HMX2: variants seen among roughly 807,000 people sequenced by gnomAD.
The protein encoded by HMX2 is homeobox protein HMX2.
Under a neutral mutation model 21.2 loss-of-function variants are expected in HMX2, and 15 were observed. The ratio of observed to expected loss-of-function variants is 0.71; its 90% confidence interval spans 0.47 to 1.09. HMX2 has a LOEUF of 1.09. Ranked by LOEUF, HMX2 falls within the 50% of genes least tolerant of loss-of-function variation. The pLI, the probability that HMX2 is intolerant of heterozygous loss-of-function variation, is 0.00. For missense variants in HMX2, 440 were observed against 381.5 expected, an observed-to-expected ratio of 1.15 and a Z score of -1.28; for synonymous variants, 193 against 181.0, an observed-to-expected ratio of 1.07 and a Z score of -0.53.
rs757934362 is a variant in HMX2 at position 123,150,021 on chromosome 10, G to A, written c.720G>A (p.Val240=). 6.2e-7 allele frequency: 1 copy of A among 1,608,028 alleles called. No homozygotes were observed. The highest frequency in any genetic ancestry group is 8.5e-7 in the Non-Finnish European group (1 of 1,178,522). Residue 240 remains valine, a synonymous_variant, in exon 2 of 2, where the codon GTG becomes GTA. Transcript: ENST00000339992. This position sits in a 1 kb window ranked among gnomAD's most constrained non-coding sequence, Gnocchi z 4.2. The stretch of plus-strand genomic sequence containing the variant: ...TCCGGGACAGTTCGCTGCTGCGCGT[G>A]CCGGTGCCGCGCTCGCTCGCCTTTC... The part of the protein sequence containing the change: ...LVFRDSSLLR[V]PVPRSLAFPA...
In HMX2 at chr10:123,149,838, C is replaced by T; in HGVS notation, c.537C>T (p.Arg179=). The T allele has an allele frequency of 6.2e-7, 1 of 1,612,716 alleles. No homozygotes were observed. Reference sequence around the variant, plus strand: ...AGCGCTACCTGAGCAGCTCGGAGCGCGCCTGCCTCGCCTCCAGCCTGCAGC... The same window carrying T: ...AGCGCTACCTGAGCAGCTCGGAGCGTGCCTGCCTCGCCTCCAGCCTGCAGC... ...DMKRYLSSSE[R]ACLASSLQLT... is the part of the protein sequence containing the mutation. Residue 179 remains arginine (R), a synonymous_variant, in exon 2 of 2, where the codon CGC becomes CGT. Transcript: ENST00000339992. This position sits in a 1 kb window ranked among gnomAD's most constrained non-coding sequence, Gnocchi z 5.4.
chr10:123,149,017 G>A lies in HMX2; in HGVS notation c.268+371G>A, dbSNP rs911158782. ...CGGGTCTGGGCAGTCTGTCTCCACC[G>A]TAATCTCTTTCTGAGTCTTCTTCCT... On this transcript the variant is annotated intron_variant, in intron 1 of 1. Transcript: ENST00000339992. The surrounding 1 kb of genome is among the most constrained non-coding windows in gnomAD (Gnocchi z 5.4). Among the ~76,000 whole-genome samples, 1 of 152,174 alleles carries A rather than the reference G, an allele frequency of 6.6e-6. No homozygotes were observed. The highest frequency in any genetic ancestry group is 2.4e-5 in the African/African-American group (1 of 41,420).
chr10:123,148,261 C>G lies in HMX2; in HGVS notation c.-118C>G, dbSNP rs566723329. ...CTCACCAGCCTCGGCGCCCCCTCCC[C>G]CTAGATTTCCTCCCCGCCCCTCCCC... On this transcript the variant is annotated 5_prime_UTR_variant, in exon 1 of 2. Coordinates refer to ENST00000339992, the MANE Select transcript of HMX2 (RefSeq NM_005519.2). The G allele has an allele frequency of 1.5e-5, 15 of 1,027,768 alleles. No individual in the cohort carries two copies. The highest frequency in any genetic ancestry group is 5.6e-5 in the South Asian group (4 of 71,550). 63.7% of individuals were successfully genotyped at this position (1,027,768 alleles called of 1,614,324 possible). A position where few individuals can be genotyped will look rare whatever the true frequency, so the allele number is the denominator to read the frequency against.
Position 123,150,208 on chromosome 10 carries a change from C to A in HMX2, c.*85C>A. 1 of 1,162,684 alleles carries A rather than the reference C, an allele frequency of 8.6e-7. No homozygotes were observed. The highest frequency in any genetic ancestry group is 1.2e-6 in the Non-Finnish European group (1 of 850,464). The allele number at this position is 1,162,684 out of a possible 1,614,324, so 72.0% of individuals were successfully genotyped here. ...TAAGCAGGGCTCCGGAGCAAGGCGGCGTGTTTCCAGAAATATGAAGAAATA... is the reference window on the plus strand; with the variant it reads ...TAAGCAGGGCTCCGGAGCAAGGCGGAGTGTTTCCAGAAATATGAAGAAATA... On this transcript the variant is annotated 3_prime_UTR_variant, in exon 2 of 2. Transcript: ENST00000339992. This position sits in a 1 kb window ranked among gnomAD's most constrained non-coding sequence, Gnocchi z 4.2.
chr10:123,150,107 A>T lies in HMX2; in HGVS notation c.806A>T (p.Asn269Ile). 6.4e-7 allele frequency: 1 copy of T among 1,563,982 alleles called. No homozygotes were observed. Reference protein sequence around the residue: ...LSALPLYNLYNKLDY With the variant: ...LSALPLYNLYIKLDY ...GCCTTACCTCTCTACAACCTATACA[A>T]CAAGCTCGACTACTGACCGGCCCGC... Residue 269 changes from asparagine (N) to isoleucine (I), a missense_variant, in exon 2 of 2, where the codon AAC becomes ATC. Physicochemically the swap from Asn to Ile is moderately radical, Grantham distance 149 (BLOSUM62 -3). Coordinates refer to ENST00000339992, the MANE Select transcript of HMX2 (RefSeq NM_005519.2). This position sits in a 1 kb window ranked among gnomAD's most constrained non-coding sequence, Gnocchi z 4.2.
rs1844228960 is a variant in HMX2, at chr10:123,148,628, A to G, written c.250A>G (p.Ile84Val). 6.2e-7 allele frequency: 1 copy of G among 1,609,714 alleles called. No individual in the cohort carries two copies. Among genetic ancestry groups the G allele is most frequent in the African/African-American group, 1.3e-5 (1 of 74,432 alleles). Residue 84 changes from isoleucine (I) to valine (V), a missense_variant, in exon 1 of 2, where the codon ATC becomes GTC. Ile to Val is a conservative substitution (Grantham distance 29). Transcript: ENST00000339992. ...GCAGGGCCCCAAGCACCATCCCCCC[A>G]TCCCTTTTCCTTGCCTGGGTAAGGA... ...KEQGPKHHPPIPFPCLGTPKG... is the reference protein window; with the variant it reads ...KEQGPKHHPPVPFPCLGTPKG...
chr10:123,148,687 G>T, intron 1 of HMX2, 41 bp downstream of exon 1: 1 of 1,582,942 alleles, frequency 6.3e-7, no homozygotes. Context: ...GAGCGAGCGC[G>T]AGGGGAGGGA....
Position 123,150,389 on chromosome 10 carries a change from C to A in HMX2, c.*266C>A. 1 of 320,092 alleles carries A rather than the reference C, an allele frequency of 3.1e-6. No individual in the cohort carries two copies. The highest frequency in any genetic ancestry group is 5.7e-6 in the Non-Finnish European group (1 of 176,104). The allele number at this position is 320,092 out of a possible 1,614,324, so 19.8% of individuals were successfully genotyped here. On this transcript the variant is annotated 3_prime_UTR_variant, in exon 2 of 2. Transcript: ENST00000339992. This position sits in a 1 kb window ranked among gnomAD's most constrained non-coding sequence, Gnocchi z 4.2. ...AAAACCATTCGGAGTGAGATGTTCT[C>A]GGGTGGTGGTGGGAAAGGGAGTTTT...
chr10:123,148,696 G>C (rs760286243), intron 1 of HMX2, 50 bp downstream of exon 1: 4 of 1,575,204 alleles, frequency 2.5e-6, no homozygotes, highest in South Asian at 2.3e-5. Context: ...CGAGGGGAGG[G>C]AGGCTGAGCG....
chr10:123,148,165 C>T lies in HMX2; in HGVS notation c.-214C>T. The T allele has an allele frequency of 1.8e-6, 1 of 569,514 alleles. No individual in the cohort carries two copies. The highest frequency in any genetic ancestry group is 3.3e-5 in the East Asian group (1 of 30,714). The allele number at this position is 569,514 out of a possible 1,614,324, so 35.3% of individuals were successfully genotyped here. A position where few individuals can be genotyped will look rare whatever the true frequency, so the allele number is the denominator to read the frequency against. ...TTGCACCGGGGCTGGGCGGGCGCACCCAGAGCCAGGCGGGCAGGAACCCCT... is the reference window on the plus strand; with the variant it reads ...TTGCACCGGGGCTGGGCGGGCGCACTCAGAGCCAGGCGGGCAGGAACCCCT... On this transcript the variant is annotated 5_prime_UTR_variant, in exon 1 of 2. Coordinates refer to ENST00000339992, the MANE Select transcript of HMX2 (RefSeq NM_005519.2).
At chr10:123,148,680 CGAGCGCGAG>C (rs751775968) in intron 1 of HMX2, 34 bp downstream of exon 1, 5 of 1,585,838 alleles carry the variant, frequency 3.2e-6, no homozygotes, top group Non-Finnish European at 4.3e-6. Flanking sequence ...TGGCAGCGAG[CGAGCGCGAG>C]GGGAGGGAGG....
Position 123,149,120 on chromosome 10 carries a change from C to T in HMX2, c.269-450C>T, listed in dbSNP as rs1373337498. ...CACTCCAAGATGATTGACAATGGTG[C>T]ATTTCAGAGACGGTTCCTCTTTACA... On this transcript the variant is annotated intron_variant, in intron 1 of 1. Transcript: ENST00000339992. This position sits in a 1 kb window ranked among gnomAD's most constrained non-coding sequence, Gnocchi z 5.4. Among the ~76,000 whole-genome samples the T allele has an allele frequency of 2.0e-5, 3 of 152,150 alleles. No individual in the cohort carries two copies. Among genetic ancestry groups the T allele is most frequent in the African/African-American group, 7.2e-5 (3 of 41,420 alleles).
rs747402757 is a variant in HMX2, at chr10:123,149,957, A to C, written c.656A>C (p.His219Pro). 1 of 1,611,990 alleles carries C rather than the reference A, an allele frequency of 6.2e-7. No individual in the cohort carries two copies. Among genetic ancestry groups the C allele is most frequent in the South Asian group, 1.1e-5 (1 of 90,960 alleles). The stretch of plus-strand genomic sequence containing the variant: ...GAGCTGGAGGCGGCCAACATGGCGC[A>C]CGCGTCGGCGCAGACTCTGGTGAGC... ...SAELEAANMA[H>P]ASAQTLVSMP... The change falls in exon 2 of 2, where the codon CAC becomes CCC. Residue 219 changes from histidine to proline, a missense_variant. Coordinates refer to ENST00000339992, the MANE Select transcript of HMX2 (RefSeq NM_005519.2). This position sits in a 1 kb window ranked among gnomAD's most constrained non-coding sequence, Gnocchi z 5.4.
rs769487510 is a variant in HMX2 at position 123,148,494 on chromosome 10, G to T, written c.116G>T (p.Gly39Val). Residue 39 changes from glycine (G) to valine (V), a missense_variant, in exon 1 of 2, where the codon GGC becomes GTC. Coordinates refer to ENST00000339992, the MANE Select transcript of HMX2 (RefSeq NM_005519.2). ...TCGGAGGCACCGCGGGAGCCCGTCGGCTGGCCAGCCAGGAAGCGCAGCCTG... is the reference window on the plus strand; with the variant it reads ...TCGGAGGCACCGCGGGAGCCCGTCGTCTGGCCAGCCAGGAAGCGCAGCCTG... ...GPSEAPREPV[G>V]WPARKRSLSV... 1.2e-5 allele frequency: 20 copies of T among 1,612,360 alleles called. No homozygotes were observed. Among genetic ancestry groups the T allele is most frequent in the East Asian group, 2.2e-5 (1 of 44,854 alleles).
In HMX2 at chr10:123,148,414, G is replaced by A; in HGVS notation, c.36G>A (p.Pro12=). The A allele has an allele frequency of 1.2e-6, 2 of 1,613,064 alleles. No individual in the cohort carries two copies. Among genetic ancestry groups the A allele is most frequent in the South Asian group, 1.1e-5 (1 of 91,002 alleles). ...AAGAAGATGCGGGCAAGGGGTGTCC[G>A]GCGGCCGGTGGCGTCTCCAGCTTCA... ...GSKEDAGKGC[P]AAGGVSSFTI... Residue 12 remains proline, a synonymous_variant, in exon 1 of 2, where the codon CCG becomes CCA. Coordinates refer to ENST00000339992, the MANE Select transcript of HMX2 (RefSeq NM_005519.2).
chr10:123,148,263 T>G lies in HMX2; in HGVS notation c.-116T>G. 9.3e-4 allele frequency: 459 copies of G among 494,698 alleles called. No homozygotes were observed. Among genetic ancestry groups the G allele is most frequent in the East Asian group, 3.1e-3 (62 of 20,112 alleles). 30.6% of individuals were successfully genotyped at this position (494,698 alleles called of 1,614,324 possible). ...CACCAGCCTCGGCGCCCCCTCCCCC[T>G]AGATTTCCTCCCCGCCCCTCCCCAC... On this transcript the variant is annotated 5_prime_UTR_variant, in exon 1 of 2. It removes the in-frame stop codon of an upstream open reading frame in the 5' UTR. Coordinates refer to ENST00000339992, the MANE Select transcript of HMX2 (RefSeq NM_005519.2).
intron 1 of HMX2, 62 bp downstream of exon 1, chr10:123,148,708 C>T (rs1193477659): frequency 6.4e-7 from 1 of 1,561,528 alleles, no homozygotes; most frequent in African/African-American, 1.4e-5. Flanking sequence ...GGCTGAGCGC[C>T]CCGCCAAGAC....
At position 123,149,684 on chromosome 10, in the gene HMX2, C is replaced by G; in HGVS notation, c.383C>G (p.Ser128Trp). Residue 128 changes from serine (S) to tryptophan (W), a missense_variant, in exon 2 of 2, where the codon TCG becomes TGG. Physicochemically the swap from Ser to Trp is radical, Grantham distance 177. Coordinates refer to ENST00000339992, the MANE Select transcript of HMX2 (RefSeq NM_005519.2). The surrounding 1 kb of genome is among the most constrained non-coding windows in gnomAD (Gnocchi z 5.4). ...AAAGAGAGGCTCCTGCCCGCGGGCT[C>G]GCCCTCGCCGGGGTCCGAGCGGCCG... is the stretch of plus-strand genomic sequence containing the variant. ...EEKERLLPAG[S>W]PSPGSERPRD... The G allele has an allele frequency of 6.4e-7, 1 of 1,564,862 alleles. No individual in the cohort carries two copies. The highest frequency in any genetic ancestry group is 2.4e-5 in the East Asian group (1 of 41,338).
At position 123,149,706 on chromosome 10, in the gene HMX2, G is replaced by A. The variant is rs979481131; in HGVS notation, c.405G>A (p.Arg135=). The A allele has an allele frequency of 3.2e-6, 5 of 1,562,634 alleles. No homozygotes were observed. The highest frequency in any genetic ancestry group is 4.3e-6 in the Non-Finnish European group (5 of 1,159,954). ...GCTCGCCCTCGCCGGGGTCCGAGCG[G>A]CCGCGGGACGGCGGCGCTGAGCGGC... The part of the protein sequence containing the change: ...PAGSPSPGSE[R]PRDGGAERQA... Residue 135 remains arginine (R), a synonymous_variant, in exon 2 of 2, where the codon CGG becomes CGA. Transcript: ENST00000339992. This position sits in a 1 kb window ranked among gnomAD's most constrained non-coding sequence, Gnocchi z 5.4.
Sources: allele counts gnomAD v4.1 joint callset (sites outside exome capture counted in the v4.1 genomes callset), GRCh38; gene constraint gnomAD v4.1.1; non-coding constraint Gnocchi (gnomAD v3.1); transcripts MANE v1.5; gene names NCBI Gene and HGNC (gene_info 2026-07-23, HGNC 2026-07-21).